Variants in TTL observed in about 807,000 individuals in gnomAD.
The protein encoded by TTL is tubulin--tyrosine ligase.
Under a neutral mutation model 41.1 loss-of-function variants are expected in TTL, and 10 were observed. The observed-to-expected ratio is 0.24, with a 90% CI of 0.15 to 0.41. TTL has a LOEUF of 0.41. Among genes scored for constraint, TTL ranks in the 10% least tolerant of loss-of-function variants. The pLI is 1.00. For synonymous variants in TTL, 175 were observed against 175.5 expected (o/e 1.00, Z 0.02); for missense variants, 367 against 460.4 (o/e 0.80, Z 1.86).
At chr2:112,486,643 G>T (rs909991017) in intron 2 of TTL, among the ~76,000 whole-genome samples, 1 of 152,216 alleles carries the variant, frequency 6.6e-6, no homozygotes, top group South Asian at 2.1e-4. Flanking sequence ...AGTGGAAGGA[G>T]ACGGTGTTAG....
At chr2:112,524,256 C>T (rs1682319623) in intron 6 of TTL, among the ~76,000 whole-genome samples, 1 of 152,210 alleles carries the variant, frequency 6.6e-6, no homozygotes, top group South Asian at 2.1e-4. Context: ...AATAAACATA[C>T]ATGTGCATGT....
chr2:112,522,073 C>CTT (rs1682252197), intron 6 of TTL: 1 of 152,424 alleles, frequency 6.6e-6, no homozygotes, highest in African/African-American at 2.4e-5. Flanking sequence ...TGGCAGTTAA[C>CTT]ATTGTCACCT....
chr2:112,503,719 T>G (rs1023579337), intron 5 of TTL, among the ~76,000 whole-genome samples: 3 of 149,856 alleles, frequency 2.0e-5, no homozygotes, highest in African/African-American at 7.3e-5. Flanking sequence ...AATTTTAAGC[T>G]TATTTTCCTT....
chr2:112,513,289 T>C (rs1202913849), intron 5 of TTL, among the ~76,000 whole-genome samples: 1 of 152,066 alleles, frequency 6.6e-6, no homozygotes, highest in Non-Finnish European at 1.5e-5. Context: ...AGGAGAAAAA[T>C]ATTCTTTTAT....
At chr2:112,509,640 C>G (rs1234404952) in intron 5 of TTL, among the ~76,000 whole-genome samples, 1 of 152,178 alleles carries the variant, frequency 6.6e-6, no homozygotes, top group Non-Finnish European at 1.5e-5. Flanking sequence ...CCTTGCGCTT[C>G]CCAGGTGAGG....
chr2:112,526,249 T>C lies in TTL; in HGVS notation c.1020-2432T>C, dbSNP rs187535234. The stretch of plus-strand genomic sequence containing the variant: ...CAGGGATATTGGTCTAAAATTGTCT[T>C]TTTTTTGTTGTGTCTCTGCCAGGCT... On this transcript the variant is annotated intron_variant, in intron 6 of 6. Transcript: ENST00000233336. Among the ~76,000 whole-genome samples, 43 of 152,250 alleles carry C rather than the reference T, an allele frequency of 2.8e-4. No homozygotes were observed. The East Asian group carries it at 7.7e-3, about 27-fold the overall frequency.
Position 112,528,962 on chromosome 2 carries a change from G to A in TTL, c.*167G>A. ...GCAGAGGAGGCAGCTCCCAAAGAGAGGGCTGCTCAGGGGGCTTCCCAGATG... is the reference window on the plus strand; with the variant it reads ...GCAGAGGAGGCAGCTCCCAAAGAGAAGGCTGCTCAGGGGGCTTCCCAGATG... On this transcript the variant is annotated 3_prime_UTR_variant, in exon 7 of 7. Transcript: ENST00000233336. 1 of 633,636 alleles carries A rather than the reference G, an allele frequency of 1.6e-6. No individual in the cohort carries two copies. Among genetic ancestry groups the A allele is most frequent in the Non-Finnish European group, 2.8e-6 (1 of 353,104 alleles). 39.3% of individuals were successfully genotyped at this position (633,636 alleles called of 1,614,324 possible).
chr2:112,511,154 A>G (rs893834685), intron 5 of TTL, among the ~76,000 whole-genome samples: 1 of 152,062 alleles, frequency 6.6e-6, no homozygotes, highest in African/African-American at 2.4e-5. Context: ...CTACAGGTGC[A>G]TGCCACCAAA....
rs1312294736 is a variant in TTL, at chr2:112,482,247, C to A, written c.-98C>A. The A allele has an allele frequency of 1.1e-6, 1 of 908,148 alleles. No individual in the cohort carries two copies. The highest frequency in any genetic ancestry group is 1.3e-6 in the Non-Finnish European group (1 of 762,738). The allele number at this position is 908,148 out of a possible 1,614,324, so 56.3% of individuals were successfully genotyped here. ...CCGGCGCGGGCGGCGGGGGCCGGGC[C>A]GCGGCGGGCGCCCGGGCGGGGTCCG... is the stretch of plus-strand genomic sequence containing the variant. On this transcript the variant is annotated 5_prime_UTR_variant, in exon 1 of 7. Transcript: ENST00000233336. This position sits in a 1 kb window ranked among gnomAD's most constrained non-coding sequence, Gnocchi z 5.3.
chr2:112,484,543 G>A (rs946585580), intron 1 of TTL, among the ~76,000 whole-genome samples: 3 of 152,104 alleles, frequency 2.0e-5, no homozygotes, highest in African/African-American at 7.2e-5. Context: ...GGGATTACAG[G>A]CATGAACCAC....
At position 112,531,749 on chromosome 2, in the gene TTL, A is replaced by T. The variant is rs188046349; in HGVS notation, c.*2954A>T. 9.0e-6 allele frequency: 2 copies of T among 223,368 alleles called. No homozygotes were observed. The highest frequency in any genetic ancestry group is 1.3e-4 in the East Asian group (2 of 15,276). The allele number at this position is 223,368 out of a possible 1,614,324, so 13.8% of individuals were successfully genotyped here. On this transcript the variant is annotated 3_prime_UTR_variant, in exon 7 of 7. Coordinates refer to ENST00000233336, the MANE Select transcript of TTL (RefSeq NM_153712.5). ...TTTAAGGATGACCGGATGTTGCCGT[A>T]TGTATTTATGGCACAAGCAGGTGTT...
intron 6 of TTL, among the ~76,000 whole-genome samples, chr2:112,525,160 T>C (rs1464750363): frequency 6.6e-6 from 1 of 152,256 alleles, no homozygotes; most frequent in Non-Finnish European, 1.5e-5. Flanking sequence ...ATCTCTGTTT[T>C]GGTACCAGTA....
intron 5 of TTL, among the ~76,000 whole-genome samples, chr2:112,513,468 C>G (rs1681980790): frequency 6.6e-6 from 1 of 151,758 alleles, no homozygotes; most frequent in Non-Finnish European, 1.5e-5. Flanking sequence ...TTTTTTAGAA[C>G]AGTTTTGCTG....
chr2:112,485,877 G>C (rs748708178), intron 1 of TTL, 40 bp from the exon 2 acceptor site: 1 of 1,566,246 alleles, frequency 6.4e-7, no homozygotes, highest in Non-Finnish European at 8.8e-7. Flanking sequence ...CCTGCTTGCT[G>C]TGTCCTGTGT....
chr2:112,539,638 C>A lies in TTL; in HGVS notation c.*10843C>A, dbSNP rs1233386672. 6.6e-6 allele frequency: 1 copy of A among 152,152 alleles called. No homozygotes were observed. The highest frequency in any genetic ancestry group is 2.4e-5 in the African/African-American group (1 of 41,416). 9.4% of individuals were successfully genotyped at this position (152,152 alleles called of 1,614,324 possible). On this transcript the variant is annotated 3_prime_UTR_variant, in exon 7 of 7. Coordinates refer to ENST00000233336, the MANE Select transcript of TTL (RefSeq NM_153712.5). The stretch of plus-strand genomic sequence containing the variant: ...CAGGCACAAAACAAGTATATTTATT[C>A]TTGTCACTTCAACATTGTATTAAAT...
rs141112970 is a variant in TTL, at chr2:112,486,355, C to G, written c.236+360C>G. Among the ~76,000 whole-genome samples, 388 of 152,310 alleles carry G rather than the reference C, an allele frequency of 2.5e-3. 1 individual carries two copies. Among genetic ancestry groups the G allele is most frequent in the African/African-American group, 9.0e-3 (375 of 41,568 alleles). ...TTGCCTCTCCTGACTCCAAGGAGCACCAGAGTGAATGGCACCTCAGAGTTG... is the reference window on the plus strand; with the variant it reads ...TTGCCTCTCCTGACTCCAAGGAGCAGCAGAGTGAATGGCACCTCAGAGTTG... On this transcript the variant is annotated intron_variant, in intron 2 of 6. Transcript: ENST00000233336.
In TTL at chr2:112,530,129, A is replaced by G. The variant is rs1039128261; in HGVS notation, c.*1334A>G. 4.4e-6 allele frequency: 1 copy of G among 229,240 alleles called. No individual in the cohort carries two copies. Among genetic ancestry groups the G allele is most frequent in the Non-Finnish European group, 8.7e-6 (1 of 115,576 alleles). 14.2% of individuals were successfully genotyped at this position (229,240 alleles called of 1,614,324 possible). On this transcript the variant is annotated 3_prime_UTR_variant, in exon 7 of 7. Coordinates refer to ENST00000233336, the MANE Select transcript of TTL (RefSeq NM_153712.5). ...CCAGAACGTGCTACGTTCTTTCTTC[A>G]TGCCTATGTGTGCTCCATTCCTCAT...
intron 1 of TTL, 135 bp from the exon 2 acceptor site, chr2:112,485,782 A>T: frequency 1.2e-6 from 1 of 807,024 alleles, no homozygotes. Flanking sequence ...GGACAGAGAA[A>T]CAAAATTGTT....
At chr2:112,514,386 A>C (rs1682012363) in intron 5 of TTL, among the ~76,000 whole-genome samples, 1 of 152,122 alleles carries the variant, frequency 6.6e-6, no homozygotes, top group Non-Finnish European at 1.5e-5. Flanking sequence ...TGTTTCAAAA[A>C]AAAAAAAACT....
Sources: gnomAD v4.1 joint callset for allele counts (sites outside exome capture counted in the v4.1 genomes callset) on GRCh38, gnomAD v4.1.1 for gene constraint, Gnocchi (gnomAD v3.1) non-coding constraint, MANE v1.5 for transcripts, NCBI Gene and HGNC (gene_info 2026-07-23, HGNC 2026-07-21) for gene names.